The following MMP16 variants were observed in gnomAD, a reference collection of about 807,000 sequenced individuals.
MMP16 encodes the protein matrix metalloproteinase-16.
In MMP16, 12 loss-of-function variants were observed where a neutral mutation model predicts 67.8. The ratio of observed to expected loss-of-function variants is 0.18; its 90% CI spans 0.11 to 0.29. MMP16 has a LOEUF of 0.29. MMP16 is among the 10% of genes least tolerant of loss of function. MMP16 has a pLI of 1.00. For synonymous variants in MMP16, 249 were observed against 255.9 expected (o/e 0.97, Z 0.26); for missense variants, 475 against 765.7 (o/e 0.62, Z 4.48).
At position 88,056,120 on chromosome 8, in the gene MMP16, A is replaced by T; in HGVS notation, c.1373+8T>A. The T allele has an allele frequency of 6.5e-7, 1 of 1,531,446 alleles. No homozygotes were observed. Among genetic ancestry groups the T allele is most frequent in the South Asian group, 1.3e-5 (1 of 78,682 alleles). 94.9% of individuals were successfully genotyped at this position (1,531,446 alleles called of 1,614,324 possible). A position where few individuals can be genotyped will look rare whatever the true frequency, so the allele number is the denominator to read the frequency against. ...TAACTGTTTTTCTCATGAGAAGTGT[A>T]TACTGACCTGTCTCCCTTGAAGAAA... On this transcript the variant is annotated splice_region_variant and intron_variant, in intron 8 of 9. Coordinates refer to ENST00000286614, the MANE Select transcript of MMP16 (RefSeq NM_005941.5).
At chr8:88,102,298 G>A (rs568312609) in intron 6 of MMP16, among the ~76,000 whole-genome samples, 6 of 151,876 alleles carry the variant, frequency 4.0e-5, no homozygotes, top group Admixed American at 2.0e-4. Context: ...TCAACTATCC[G>A]ATCCCCTTTG....
chr8:88,321,302 C>G (rs1351981913), intron 1 of MMP16, among the ~76,000 whole-genome samples: 1 of 152,040 alleles, frequency 6.6e-6, no homozygotes, highest in Non-Finnish European at 1.5e-5. Context: ...TACAGAGAGA[C>G]AGATTTAAAT....
intron 6 of MMP16, among the ~76,000 whole-genome samples, chr8:88,095,592 A>G (rs1809012798): frequency 6.6e-6 from 1 of 151,862 alleles, no homozygotes; most frequent in South Asian, 2.1e-4. Flanking sequence ...TGAAAGATGA[A>G]CAATACCACC....
Position 88,159,077 on chromosome 8 carries a change from A to T in MMP16, c.709+8592T>A, listed in dbSNP as rs199674874. ...TGTTTTGGTTACTGTAGCCTTGTAG[A>T]ATAGTTTGAAGTCAGGCAGCATGAT... On this transcript the variant is annotated intron_variant, in intron 4 of 9. Coordinates refer to ENST00000286614, the MANE Select transcript of MMP16 (RefSeq NM_005941.5). Among the ~76,000 whole-genome samples the T allele has an allele frequency of 2.6e-5, 4 of 152,078 alleles. No homozygotes were observed. The South Asian group carries it at 8.3e-4, about 32-fold the overall frequency.
At chr8:88,227,779 A>AT (rs1809793808) in intron 1 of MMP16, among the ~76,000 whole-genome samples, 1 of 152,036 alleles carries the variant, frequency 6.6e-6, no homozygotes, top group Non-Finnish European at 1.5e-5. Context: ...CTGGCCTACA[A>AT]TTTACTTCAT....
intron 4 of MMP16, among the ~76,000 whole-genome samples, chr8:88,153,229 T>C (rs1172891891): frequency 1.3e-5 from 2 of 151,770 alleles, no homozygotes; most frequent in Non-Finnish European, 1.5e-5. Flanking sequence ...TACAAACAAA[T>C]GGAAGAACAT....
chr8:88,322,335 T>G (rs1811472730), intron 1 of MMP16, among the ~76,000 whole-genome samples: 1 of 152,084 alleles, frequency 6.6e-6, no homozygotes, highest in African/African-American at 2.4e-5. Context: ...TGAACTAAAC[T>G]GTCTAAGAAA....
rs1808358379 is a variant in MMP16, at chr8:88,058,468, T to C, written c.1223-2190A>G. 6.6e-6 allele frequency among the ~76,000 whole-genome samples: 1 copy of C among 152,080 alleles called. No homozygotes were observed. Among genetic ancestry groups the C allele is most frequent in the Admixed American group, 6.6e-5 (1 of 15,238 alleles). ...GGTCAACATCTCTATCTCATGAAGC[T>C]TAGATATCAGTGAGTGAGTATGAAT... On this transcript the variant is annotated intron_variant, in intron 7 of 9. Coordinates refer to ENST00000286614, the MANE Select transcript of MMP16 (RefSeq NM_005941.5). The surrounding 1 kb of genome is among the most constrained non-coding windows in gnomAD (Gnocchi z 4.2).
chr8:88,168,054 A>C (rs1808741721), intron 3 of MMP16, 81 bp from the exon 4 acceptor site: 3 of 1,036,184 alleles, frequency 2.9e-6, no homozygotes, highest in Non-Finnish European at 4.2e-6. Flanking sequence ...CAGTTAAGTA[A>C]AATATTAGAG....
Position 88,048,781 on chromosome 8 carries a change from C to T in MMP16, c.1374-1997G>A, listed in dbSNP as rs532489027. On this transcript the variant is annotated intron_variant, in intron 8 of 9. Transcript: ENST00000286614. ...TACTAAAGCTAGTGTTTTGCCAACA[C>T]ATATTTGGGAAATGATACATTTAAA... Among the ~76,000 whole-genome samples the T allele has an allele frequency of 2.4e-4, 36 of 152,280 alleles. 1 individual carries two copies. In the South Asian group the frequency reaches 4.3e-3, roughly 18 times the overall value.
intron 6 of MMP16, among the ~76,000 whole-genome samples, chr8:88,115,632 G>A (rs1433843006): frequency 6.6e-6 from 1 of 151,778 alleles, no homozygotes; most frequent in African/African-American, 2.4e-5. Flanking sequence ...GAACAGCATT[G>A]GATTATTTAT....
intron 4 of MMP16, among the ~76,000 whole-genome samples, chr8:88,155,381 A>G (rs1808491473): frequency 6.6e-6 from 1 of 151,752 alleles, no homozygotes; most frequent in Non-Finnish European, 1.5e-5. Context: ...TTTGGGAATA[A>G]TTTTTTTTCC....
chr8:88,269,056 C>G (rs1166193415), intron 1 of MMP16, among the ~76,000 whole-genome samples: 7 of 152,114 alleles, frequency 4.6e-5, no homozygotes, highest in Non-Finnish European at 8.8e-5. Flanking sequence ...ATATAACAGA[C>G]AGTAAGAAGC....
At chr8:88,085,447 C>A (rs566502381) in intron 6 of MMP16, among the ~76,000 whole-genome samples, 1 of 151,976 alleles carries the variant, frequency 6.6e-6, no homozygotes, top group Non-Finnish European at 1.5e-5. Context: ...TTTGCAGGCA[C>A]GGTTTTCAGG....
intron 4 of MMP16, among the ~76,000 whole-genome samples, chr8:88,131,651 T>C (rs1286551878): frequency 3.3e-5 from 5 of 151,852 alleles, no homozygotes; most frequent in African/African-American, 1.2e-4. Flanking sequence ...AGTTTCTTAT[T>C]ACAGTTGAAA....
Position 88,038,953 on chromosome 8 carries a change from G to T in MMP16, c.*2508C>A, listed in dbSNP as rs1163238706. The T allele has an allele frequency of 1.3e-5, 2 of 152,482 alleles. No individual in the cohort carries two copies. Among genetic ancestry groups the T allele is most frequent in the African/African-American group, 4.8e-5 (2 of 41,414 alleles). 9.4% of individuals were successfully genotyped at this position (152,482 alleles called of 1,614,324 possible). A position where few individuals can be genotyped will look rare whatever the true frequency, so the allele number is the denominator to read the frequency against. On this transcript the variant is annotated 3_prime_UTR_variant, in exon 10 of 10. Transcript: ENST00000286614. This position sits in a 1 kb window ranked among gnomAD's most constrained non-coding sequence, Gnocchi z 4.1. ...GGCTCATACTATATACGCTCAGGTTGTAAGAAATAACAATCTGCAAGGCTT... is the reference window on the plus strand; with the variant it reads ...GGCTCATACTATATACGCTCAGGTTTTAAGAAATAACAATCTGCAAGGCTT...
chr8:88,118,854 G>A lies in MMP16; in HGVS notation c.717C>T (p.Asp239=), dbSNP rs373031634. 6.2e-7 allele frequency: 1 copy of A among 1,612,410 alleles called. No individual in the cohort carries two copies. Among genetic ancestry groups the A allele is most frequent in the Non-Finnish European group, 8.5e-7 (1 of 1,179,160 alleles). ...TLGNPNHDGN[D]LFLVAVHELG... ...GTTCATGGACTGCTACAAGAAATAA[G>A]TCATTTCCTGTGTGAACAAGAAGAA... The change falls in exon 5 of 10, where the codon GAC becomes GAT. Residue 239 remains aspartate, a synonymous_variant. Transcript: ENST00000286614.
chr8:88,044,574 G>T (rs1189143503), intron 9 of MMP16, among the ~76,000 whole-genome samples: 1 of 152,134 alleles, frequency 6.6e-6, no homozygotes, highest in Non-Finnish European at 1.5e-5. Context: ...AACTTCTGGT[G>T]AATTCTTAAC....
rs1809552847 is a variant in MMP16, at chr8:88,214,154, C to G, written c.133-16848G>C. 2.0e-5 allele frequency among the ~76,000 whole-genome samples: 3 copies of G among 152,156 alleles called. 1 individual carries two copies. In the South Asian group the frequency reaches 6.2e-4, roughly 32 times the overall value. ...CTCAAGATGAACTCTCTCCAGAACT[C>G]CAGAAACATCTATCACGTTTTCCAG... On this transcript the variant is annotated intron_variant, in intron 1 of 9. Coordinates refer to ENST00000286614, the MANE Select transcript of MMP16 (RefSeq NM_005941.5).
Sources: allele counts gnomAD v4.1 joint callset (sites outside exome capture counted in the v4.1 genomes callset), GRCh38; gene constraint gnomAD v4.1.1; non-coding constraint Gnocchi (gnomAD v3.1); transcripts MANE v1.5; gene names NCBI Gene and HGNC (gene_info 2026-07-23, HGNC 2026-07-21).